Variants in SLC12A8 observed in about 807,000 individuals in gnomAD.
SLC12A8 encodes solute carrier family 12 member 8.
Under a neutral mutation model 75.6 loss-of-function variants are expected in SLC12A8, and 69 were observed. That is an observed-to-expected ratio of 0.91 (90% confidence interval 0.75 to 1.11). The LOEUF is 1.11. Among genes scored for constraint, SLC12A8 ranks in the 50% most tolerant of loss-of-function variants. The pLI is 0.00. For synonymous variants in SLC12A8, 365 were observed against 372.8 expected, an observed-to-expected ratio of 0.98 and a Z score of 0.24; for missense variants, 877 against 896.7, an observed-to-expected ratio of 0.98 and a Z score of 0.28.
At chr3:125,120,317 C>A (rs1390518739) in intron 7 of SLC12A8, among the ~76,000 whole-genome samples, 1 of 93,228 alleles carries the variant, frequency 1.1e-5, no homozygotes, top group African/African-American at 4.2e-5. Flanking sequence ...GGGGGAGGGA[C>A]GGGGGCGGGA....
At chr3:125,195,984 C>T (rs566544776) in intron 2 of SLC12A8, among the ~76,000 whole-genome samples, 3 of 152,308 alleles carry the variant, frequency 2.0e-5, no homozygotes, top group Admixed American at 2.0e-4. Flanking sequence ...CTAATGCCCT[C>T]CCCCTAATAA....
In SLC12A8 at chr3:125,083,303, G is replaced by A. The variant is rs1938375021; in HGVS notation, c.*587C>T. The A allele has an allele frequency of 6.5e-6, 1 of 153,202 alleles. No homozygotes were observed. The highest frequency in any genetic ancestry group is 6.5e-5 in the Admixed American group (1 of 15,458). 9.5% of individuals were successfully genotyped at this position (153,202 alleles called of 1,614,324 possible). A position where few individuals can be genotyped will look rare whatever the true frequency, so the allele number is the denominator to read the frequency against. On this transcript the variant is annotated 3_prime_UTR_variant, in exon 14 of 14. Transcript: ENST00000469902. ...CTGCTAGTCTTAGTACCTGTATAGA[G>A]CTCTTCAGACTGGGTGTCGTGTTGC...
In SLC12A8 at chr3:125,187,273, C is replaced by T. The variant is rs749020468; in HGVS notation, c.354G>A (p.Thr118=). ...SMISSVLGGQ[T]GGTIGLLYVF... is the part of the protein sequence containing the mutation. Reference sequence around the variant, plus strand: ...CATAGAGCAGCCCGATGGTGCCTCCCGTCTGCCCACCCAGGACCGAGGAGA... The same window carrying T: ...CATAGAGCAGCCCGATGGTGCCTCCTGTCTGCCCACCCAGGACCGAGGAGA... Residue 118 remains threonine (T), a synonymous_variant, in exon 4 of 14, where the codon ACG becomes ACA. Coordinates refer to ENST00000469902, the MANE Select transcript of SLC12A8 (RefSeq NM_024628.6). The T allele has an allele frequency of 1.2e-5, 20 of 1,614,054 alleles. No homozygotes were observed. The Admixed American group carries it at 2.0e-4, about 16-fold the overall frequency.
intron 12 of SLC12A8, among the ~76,000 whole-genome samples, chr3:125,090,841 A>G (rs1235976691): frequency 1.3e-5 from 2 of 152,124 alleles, no homozygotes; most frequent in African/African-American, 4.8e-5. Flanking sequence ...TAGGCAGCAT[A>G]TAGTTGGGTC....
intron 7 of SLC12A8, 123 bp downstream of exon 7, chr3:125,120,476 C>T (rs923637493): frequency 3.9e-6 from 3 of 760,196 alleles, no homozygotes; most frequent in South Asian, 3.0e-5. Flanking sequence ...AAAGAAGGAT[C>T]GGAATATGAA....
At chr3:125,084,608 C>T (rs1938411713) in intron 13 of SLC12A8, among the ~76,000 whole-genome samples, 1 of 152,190 alleles carries the variant, frequency 6.6e-6, no homozygotes, top group Non-Finnish European at 1.5e-5. Flanking sequence ...TCACTGGAGT[C>T]TCTGCATACA....
intron 6 of SLC12A8, among the ~76,000 whole-genome samples, chr3:125,133,357 A>ACACACG (rs1287826892): frequency 7.4e-6 from 1 of 135,694 alleles, no homozygotes; most frequent in Non-Finnish European, 1.6e-5. Context: ...ACACACACAC[A>ACACACG]CACACGCACA....
At chr3:125,199,838 T>G (rs1261944072) in intron 2 of SLC12A8, among the ~76,000 whole-genome samples, 1 of 151,936 alleles carries the variant, frequency 6.6e-6, no homozygotes, top group East Asian at 1.9e-4. Flanking sequence ...CTTGACAATG[T>G]AAAAATAATA....
At chr3:125,138,841 A>G (rs1349779663) in intron 5 of SLC12A8, among the ~76,000 whole-genome samples, 7 of 127,044 alleles carry the variant, frequency 5.5e-5, no homozygotes, top group Non-Finnish European at 9.8e-5. Context: ...GACCCCTTCT[A>G]CAAAACACAC....
At chr3:125,137,477 T>C (rs1052586031) in intron 5 of SLC12A8, among the ~76,000 whole-genome samples, 3 of 152,228 alleles carry the variant, frequency 2.0e-5, no homozygotes, top group African/African-American at 7.2e-5. Flanking sequence ...CTGACCTCAC[T>C]GATGAGTCTT....
chr3:125,125,260 A>G (rs1428661897), intron 6 of SLC12A8, among the ~76,000 whole-genome samples: 1 of 152,104 alleles, frequency 6.6e-6, no homozygotes, highest in Non-Finnish European at 1.5e-5. Flanking sequence ...AAAATTGTTT[A>G]AATTTGGCTA....
At chr3:125,159,055 C>A (rs1159663115) in intron 5 of SLC12A8, among the ~76,000 whole-genome samples, 1 of 152,148 alleles carries the variant, frequency 6.6e-6, no homozygotes, top group Non-Finnish European at 1.5e-5. Flanking sequence ...AGACAATGAT[C>A]TCTCACAAAG....
intron 5 of SLC12A8, among the ~76,000 whole-genome samples, chr3:125,165,570 G>C (rs1332588023): frequency 2.6e-5 from 4 of 152,354 alleles, no homozygotes; most frequent in South Asian, 2.1e-4. Context: ...CATCTCAGGA[G>C]GATAACAGAG....
intron 10 of SLC12A8, among the ~76,000 whole-genome samples, chr3:125,105,475 C>T (rs1204943771): frequency 1.3e-5 from 2 of 152,064 alleles, no homozygotes; most frequent in African/African-American, 2.4e-5. Flanking sequence ...CACAAAAAGG[C>T]ATTTGACAGA....
chr3:125,157,539 C>G (rs1417240515), intron 5 of SLC12A8, among the ~76,000 whole-genome samples: 3 of 152,196 alleles, frequency 2.0e-5, no homozygotes, highest in Admixed American at 6.5e-5. Context: ...TCTCTTGAAC[C>G]TGAAAAGGCT....
rs1932971834 is a variant in SLC12A8, at chr3:125,118,818, G to C, written c.863C>G (p.Ala288Gly). The part of the protein sequence containing the change: ...LYIIFVFLLG[A>G]ICTREALRYD... The stretch of plus-strand genomic sequence containing the variant: ...GCGAAGGGCCTCTCGAGTGCAGATG[G>C]CGCCCAGGAGGAAGACGAAGATGAT... Residue 288 changes from alanine to glycine, a missense_variant, in exon 8 of 14, where the codon GCC becomes GGC. Transcript: ENST00000469902. 3 of 1,613,668 alleles carry C rather than the reference G, an allele frequency of 1.9e-6. No individual in the cohort carries two copies. The highest frequency in any genetic ancestry group is 2.5e-6 in the Non-Finnish European group (3 of 1,179,858).
chr3:125,194,394 C>T (rs1934966217), intron 2 of SLC12A8, among the ~76,000 whole-genome samples: 1 of 150,346 alleles, frequency 6.7e-6, no homozygotes, highest in African/African-American at 2.5e-5. Flanking sequence ...AAGGGGAAGT[C>T]GTTCTCCTGT....
Position 125,190,393 on chromosome 3 carries a change from C to G in SLC12A8, c.180G>C (p.Leu60=), listed in dbSNP as rs1579536251. ...CACTCACCACCAGCCAGCCAGTCCTCAGGAAGAGCACAACCCCAAAGATGT... is the reference window on the plus strand; with the variant it reads ...CACTCACCACCAGCCAGCCAGTCCTGAGGAAGAGCACAACCCCAAAGATGT... ...MINIFGVVLF[L]RTGWLVGNTG... is the part of the protein sequence containing the mutation. The change falls in exon 3 of 14, where the codon CTG becomes CTC. Residue 60 remains leucine, a synonymous_variant. Coordinates refer to ENST00000469902, the MANE Select transcript of SLC12A8 (RefSeq NM_024628.6). 2 of 1,614,176 alleles carry G rather than the reference C, an allele frequency of 1.2e-6. No individual in the cohort carries two copies.
chr3:125,162,905 G>A (rs1330043383), intron 5 of SLC12A8, among the ~76,000 whole-genome samples: 1 of 152,172 alleles, frequency 6.6e-6, no homozygotes, highest in Non-Finnish European at 1.5e-5. Flanking sequence ...CAGAGGGAAA[G>A]AGATCAGAAC....
Sources: allele counts gnomAD v4.1 joint callset (sites outside exome capture counted in the v4.1 genomes callset), GRCh38; gene constraint gnomAD v4.1.1; transcripts MANE v1.5; gene names NCBI Gene and HGNC (gene_info 2026-07-23, HGNC 2026-07-21).